The following PRKG2 variants were observed in gnomAD, a reference collection of about 807,000 sequenced individuals.
PRKG2 encodes protein kinase cGMP-dependent 2.
In PRKG2, 33 loss-of-function variants were observed where a neutral mutation model predicts 97.2. The ratio of observed to expected loss-of-function variants is 0.34; its 90% CI spans 0.26 to 0.45. The LOEUF (loss-of-function observed/expected upper bound fraction) is 0.45. Ranked by LOEUF, PRKG2 falls within the 20% of genes least tolerant of loss-of-function variation. PRKG2 has a pLI of 1.00. For synonymous variants in PRKG2, 330 were observed against 321.8 expected (o/e 1.03, Z -0.27); for missense variants, 638 against 900.0 (o/e 0.71, Z 3.73).
intron 15 of PRKG2, among the ~76,000 whole-genome samples, chr4:81,109,078 C>A (rs891358314): frequency 1.3e-5 from 2 of 152,160 alleles, no homozygotes; most frequent in African/African-American, 4.8e-5. Flanking sequence ...TCGTTGTGCC[C>A]AAGCCCTTAA....
chr4:81,211,851 C>T (rs1753991322), intron 1 of PRKG2, among the ~76,000 whole-genome samples: 2 of 151,888 alleles, frequency 1.3e-5, no homozygotes, highest in African/African-American at 2.4e-5. Flanking sequence ...ATCATGGAAA[C>T]CAGAATTGAT....
intron 3 of PRKG2, among the ~76,000 whole-genome samples, chr4:81,174,352 G>C (rs796936213): frequency 6.6e-5 from 10 of 152,142 alleles, no homozygotes; most frequent in African/African-American, 2.4e-4. Flanking sequence ...TTCAGCAGCA[G>C]TATTTGAATA....
chr4:81,140,721 C>G, intron 11 of PRKG2, 52 bp from the exon 12 acceptor site: 1 of 1,478,894 alleles, frequency 6.8e-7, no homozygotes, highest in Non-Finnish European at 9.4e-7. Flanking sequence ...CTATATAAAA[C>G]ACACTAATCA....
At chr4:81,109,907 AC>A (rs1440832467) in intron 15 of PRKG2, among the ~76,000 whole-genome samples, 1 of 152,064 alleles carries the variant, frequency 6.6e-6, no homozygotes, top group African/African-American at 2.4e-5. Flanking sequence ...CACTGCTAAA[AC>A]CCCTGCAGTG....
chr4:81,118,044 C>G (rs1278573789), intron 14 of PRKG2, among the ~76,000 whole-genome samples: 1 of 152,192 alleles, frequency 6.6e-6, no homozygotes, highest in South Asian at 2.1e-4. Context: ...TTTTTGCTGT[C>G]TCCAATAGTT....
intron 2 of PRKG2, among the ~76,000 whole-genome samples, chr4:81,191,363 C>T (rs1038887436): frequency 2.0e-5 from 3 of 151,944 alleles, no homozygotes; most frequent in Non-Finnish European, 2.9e-5. Flanking sequence ...TGTTCTCACT[C>T]ATAAGTGGGA....
chr4:81,088,980 G>A lies in PRKG2; in HGVS notation c.*728C>T, dbSNP rs1000354481. Reference sequence around the variant, plus strand: ...GTAACTATCTTTAACAAGGACTTTCGAAAAGTCTCTAAGGTATCACTGATC... The same window carrying A: ...GTAACTATCTTTAACAAGGACTTTCAAAAAGTCTCTAAGGTATCACTGATC... On this transcript the variant is annotated 3_prime_UTR_variant, in exon 19 of 19. Coordinates refer to ENST00000264399, the MANE Select transcript of PRKG2 (RefSeq NM_006259.3). 2.0e-4 allele frequency: 31 copies of A among 152,216 alleles called. No individual in the cohort carries two copies. The highest frequency in any genetic ancestry group is 7.0e-4 in the African/African-American group (29 of 41,538). 9.4% of individuals were successfully genotyped at this position (152,216 alleles called of 1,614,324 possible).
intron 6 of PRKG2, among the ~76,000 whole-genome samples, chr4:81,166,079 C>T (rs997715465): frequency 3.3e-5 from 5 of 152,106 alleles, no homozygotes; most frequent in Admixed American, 3.3e-4. Flanking sequence ...TTGAAAATGA[C>T]TTCATATCTG....
At position 81,213,601 on chromosome 4, in the gene PRKG2, A is replaced by C. The variant is rs1258609531; in HGVS notation, c.-14+1335T>G. On this transcript the variant is annotated intron_variant, in intron 1 of 18. Transcript: ENST00000264399. The stretch of plus-strand genomic sequence containing the variant: ...GTAGAGCCTGCAAGACGATATCATG[A>C]TTCATGTGAGGGATTTTTAAAATAA... 4.3e-4 allele frequency among the ~76,000 whole-genome samples: 66 copies of C among 152,230 alleles called. 1 individual carries two copies. The highest frequency in any genetic ancestry group is 7.3e-5 in the Non-Finnish European group (5 of 68,040).
At chr4:81,165,763 C>T (rs1346380499) in intron 6 of PRKG2, among the ~76,000 whole-genome samples, 1 of 151,858 alleles carries the variant, frequency 6.6e-6, no homozygotes, top group African/African-American at 2.4e-5. Context: ...GATTTGAGCC[C>T]CCATCTATAT....
At chr4:81,098,506 C>CCTTCTT (rs1463935230) in intron 17 of PRKG2, among the ~76,000 whole-genome samples, 1 of 152,088 alleles carries the variant, frequency 6.6e-6, no homozygotes, top group Non-Finnish European at 1.5e-5. Flanking sequence ...TTTTGATATG[C>CCTTCTT]CTTCTTCACT....
intron 1 of PRKG2, among the ~76,000 whole-genome samples, chr4:81,213,145 G>C (rs2110139296): frequency 6.6e-6 from 1 of 152,288 alleles, no homozygotes; most frequent in South Asian, 2.1e-4. Context: ...TATTGAGTTT[G>C]AGATGCTTGT....
At chr4:81,132,202 T>G (rs1746252687) in intron 14 of PRKG2, among the ~76,000 whole-genome samples, 1 of 152,154 alleles carries the variant, frequency 6.6e-6, no homozygotes, top group Admixed American at 6.5e-5. Flanking sequence ...CTTATAAATT[T>G]TTATTGCTAG....
intron 6 of PRKG2, among the ~76,000 whole-genome samples, chr4:81,156,277 A>G (rs1484843685): frequency 6.6e-6 from 1 of 152,200 alleles, no homozygotes; most frequent in Non-Finnish European, 1.5e-5. Flanking sequence ...AGGGGTTGCA[A>G]TCCTAGTCTC....
At chr4:81,137,318 T>C in intron 13 of PRKG2, 75 bp downstream of exon 13, 1 of 1,063,704 alleles carries the variant, frequency 9.4e-7, no homozygotes, top group South Asian at 1.3e-5. Flanking sequence ...TTCCTAATGA[T>C]TTCCTCTATG....
At chr4:81,101,597 T>A (rs1358155269) in intron 17 of PRKG2, among the ~76,000 whole-genome samples, 3 of 151,290 alleles carry the variant, frequency 2.0e-5, no homozygotes, top group African/African-American at 7.3e-5. Flanking sequence ...GTATGGCATT[T>A]GGTGATATAC....
At chr4:81,144,571 A>G (rs967610270) in intron 9 of PRKG2, among the ~76,000 whole-genome samples, 5 of 149,540 alleles carry the variant, frequency 3.3e-5, no homozygotes, top group African/African-American at 1.2e-4. Context: ...ACTTTTTTAT[A>G]GTTTTCTGCC....
chr4:81,167,267 A>G (rs561966182), intron 5 of PRKG2, 43 bp from the exon 6 acceptor site: 1 of 1,285,106 alleles, frequency 7.8e-7, no homozygotes, highest in Admixed American at 2.3e-5. Flanking sequence ...TCCTGAATTA[A>G]ACTATAAATA....
chr4:81,117,665 T>A (rs1437857292), intron 14 of PRKG2, among the ~76,000 whole-genome samples: 2 of 152,302 alleles, frequency 1.3e-5, no homozygotes, highest in East Asian at 3.9e-4. Context: ...AAAGTGGCGA[T>A]TTAGTAAAAT....
Sources: allele counts gnomAD v4.1 joint callset (sites outside exome capture counted in the v4.1 genomes callset), GRCh38; gene constraint gnomAD v4.1.1; transcripts MANE v1.5; gene names NCBI Gene and HGNC (gene_info 2026-07-23, HGNC 2026-07-21).